The following MPPED2 variants were observed in gnomAD, a reference collection of about 807,000 sequenced individuals.
MPPED2 encodes the protein metallophosphoesterase domain containing 2.
A neutral mutation model predicts 33.0 loss-of-function variants in MPPED2; 5 were observed. That is an observed-to-expected ratio of 0.15 (90% CI 0.08 to 0.32). The LOEUF (loss-of-function observed/expected upper bound fraction) is 0.32, where lower values mean the gene tolerates loss of function less well. Ranked by LOEUF, MPPED2 falls within the 10% of genes least tolerant of loss-of-function variation. The pLI, the probability that MPPED2 is intolerant of heterozygous loss-of-function variation, is 1.00. For missense variants in MPPED2, 275 were observed against 372.1 expected (o/e 0.74, Z 2.15); for synonymous variants, 136 against 141.9 (o/e 0.96, Z 0.29).
intron 4 of MPPED2, among the ~76,000 whole-genome samples, chr11:30,474,494 G>A (rs1951092137): frequency 6.6e-6 from 1 of 152,114 alleles, no homozygotes; most frequent in Non-Finnish European, 1.5e-5. Context: ...TACCGATGGG[G>A]TCCACCCTGC....
At chr11:30,439,287 C>A (rs1949459470) in intron 4 of MPPED2, among the ~76,000 whole-genome samples, 1 of 152,102 alleles carries the variant, frequency 6.6e-6, no homozygotes, top group Non-Finnish European at 1.5e-5. Context: ...GTCTTAATTA[C>A]CCAAAATTAT....
At chr11:30,403,269 A>C (rs1004621190) in intron 6 of MPPED2, among the ~76,000 whole-genome samples, 3 of 152,034 alleles carry the variant, frequency 2.0e-5, no homozygotes, top group African/African-American at 7.2e-5. Flanking sequence ...AAGAAAAGAA[A>C]ACAATGTAGG....
intron 2 of MPPED2, among the ~76,000 whole-genome samples, chr11:30,549,131 C>T (rs1053904353): frequency 8.5e-5 from 13 of 152,298 alleles, no homozygotes; most frequent in African/African-American, 3.1e-4. Flanking sequence ...TAACAGTTAG[C>T]TCCCATTCAG....
intron 4 of MPPED2, among the ~76,000 whole-genome samples, chr11:30,487,680 T>G (rs1223677802): frequency 6.6e-6 from 1 of 152,064 alleles, no homozygotes; most frequent in Non-Finnish European, 1.5e-5. Flanking sequence ...CTCACTATGT[T>G]GCCCTGTCTG....
chr11:30,393,800 A>G (rs1243479383), intron 6 of MPPED2, among the ~76,000 whole-genome samples: 2 of 152,196 alleles, frequency 1.3e-5, no homozygotes, highest in Non-Finnish European at 2.9e-5. Flanking sequence ...TCCTGTTTTT[A>G]AAGTTAATGT....
At chr11:30,503,286 C>A (rs761869663) in intron 3 of MPPED2, among the ~76,000 whole-genome samples, 4 of 152,104 alleles carry the variant, frequency 2.6e-5, no homozygotes, top group Non-Finnish European at 4.4e-5. Flanking sequence ...GCCTACCCAG[C>A]CTTGCTGAAC....
intron 4 of MPPED2, among the ~76,000 whole-genome samples, chr11:30,486,460 G>A (rs1325073922): frequency 2.6e-5 from 4 of 152,202 alleles, no homozygotes; most frequent in African/African-American, 7.2e-5. Flanking sequence ...TCCATAGGAC[G>A]TTCTGAGGGC....
At chr11:30,400,653 A>T (rs1190609495) in intron 6 of MPPED2, among the ~76,000 whole-genome samples, 1 of 152,226 alleles carries the variant, frequency 6.6e-6, no homozygotes, top group Admixed American at 6.5e-5. Context: ...TAATTCCCAA[A>T]ATTTAACATT....
chr11:30,464,548 C>T (rs1158493248), intron 4 of MPPED2, among the ~76,000 whole-genome samples: 1 of 152,148 alleles, frequency 6.6e-6, no homozygotes, highest in Non-Finnish European at 1.5e-5. Flanking sequence ...AGGCTTTTCA[C>T]TTCTTCAAAC....
intron 6 of MPPED2, among the ~76,000 whole-genome samples, chr11:30,400,865 A>C (rs12225425): frequency 0.075 from 11,470 of 152,054 alleles, 1,176 homozygotes; most frequent in African/African-American, 0.23. Context: ...GGCTCAAGCA[A>C]TCTTCAATCT....
intron 6 of MPPED2, among the ~76,000 whole-genome samples, chr11:30,403,246 C>CAAAAAAAAAA (rs757620790): frequency 9.3e-6 from 1 of 107,696 alleles, no homozygotes; most frequent in Non-Finnish European, 1.8e-5. Context: ...GACTCCGTCT[C>CAAAAAAAAAA]AAAAAAAAAA....
chr11:30,432,963 C>T (rs1181192063), intron 4 of MPPED2, among the ~76,000 whole-genome samples: 1 of 152,174 alleles, frequency 6.6e-6, no homozygotes, highest in African/African-American at 2.4e-5. Context: ...AAAAAAGCCT[C>T]TAATCTTCAG....
chr11:30,435,792 G>A lies in MPPED2; in HGVS notation c.537-18159C>T, dbSNP rs80027838. Among the ~76,000 whole-genome samples the A allele has an allele frequency of 1.6e-3, 237 of 152,290 alleles. 6 individuals are homozygous for A. The East Asian group carries it at 0.038, about 25-fold the overall frequency. On this transcript the variant is annotated intron_variant, in intron 4 of 6. Coordinates refer to ENST00000358117, the MANE Select transcript of MPPED2 (RefSeq NM_001584.3). ...AAACCCCAACCTCATGTCAATCTGT[G>A]TGCAATGAAATCAGTAAGTGGCAGA...
chr11:30,444,666 C>A (rs567390865), intron 4 of MPPED2, among the ~76,000 whole-genome samples: 1 of 152,082 alleles, frequency 6.6e-6, no homozygotes, highest in Non-Finnish European at 1.5e-5. Flanking sequence ...TATAATCTTG[C>A]TCCTTTCTAC....
At chr11:30,404,046 A>G (rs1390511813) in intron 6 of MPPED2, among the ~76,000 whole-genome samples, 1 of 152,126 alleles carries the variant, frequency 6.6e-6, no homozygotes, top group South Asian at 2.1e-4. Context: ...TCATCATCCA[A>G]CCCTAGTAGC....
At chr11:30,512,327 A>C (rs1953257578) in intron 3 of MPPED2, among the ~76,000 whole-genome samples, 1 of 152,184 alleles carries the variant, frequency 6.6e-6, no homozygotes. Flanking sequence ...GGCTCTGCCA[A>C]GATGGCCCAG....
intron 6 of MPPED2, among the ~76,000 whole-genome samples, chr11:30,395,638 A>C (rs1047388103): frequency 6.6e-6 from 1 of 152,244 alleles, no homozygotes; most frequent in Non-Finnish European, 1.5e-5. Context: ...CAGTCTGAAC[A>C]GACGGCTTAG....
chr11:30,429,146 C>T (rs1948971911), intron 4 of MPPED2: 1 of 152,186 alleles, frequency 6.6e-6, no homozygotes. Flanking sequence ...AATAAGTACC[C>T]TCTCTGAATT....
At chr11:30,511,421 G>A (rs1480893394) in intron 3 of MPPED2, among the ~76,000 whole-genome samples, 1 of 152,326 alleles carries the variant, frequency 6.6e-6, no homozygotes, top group South Asian at 2.1e-4. Flanking sequence ...GAATTAGCAG[G>A]TCCTATGAAA....
Sources: gnomAD v4.1 joint callset for allele counts (sites outside exome capture counted in the v4.1 genomes callset) on GRCh38, gnomAD v4.1.1 for gene constraint, MANE v1.5 for transcripts, NCBI Gene and HGNC (gene_info 2026-07-23, HGNC 2026-07-21) for gene names.